ERMN: variants seen among roughly 807,000 people sequenced by gnomAD.
The protein encoded by ERMN is ermin.
A neutral mutation model predicts 21.4 loss-of-function variants in ERMN; 17 were observed. That is an observed-to-expected ratio of 0.80 (90% CI 0.54 to 1.19). The LOEUF (loss-of-function observed/expected upper bound fraction) is 1.19, where lower values mean the gene tolerates loss of function less well. Ranked by LOEUF, ERMN falls within the 50% of genes most tolerant of loss-of-function variation. The pLI, the probability that ERMN is intolerant of heterozygous loss-of-function variation, is 0.00. For synonymous variants in ERMN, 115 were observed against 111.9 expected, an observed-to-expected ratio of 1.03 and a Z score of -0.17; for missense variants, 348 against 331.6, an observed-to-expected ratio of 1.05 and a Z score of -0.38.
At chr2:157,321,907 G>A in intron 2 of ERMN, 116 bp from the exon 3 acceptor site, 5 of 900,692 alleles carry the variant, frequency 5.6e-6, no homozygotes, top group Admixed American at 3.0e-5. Flanking sequence ...CATGTTTTAT[G>A]GGATATGATT....
Position 157,321,103 on chromosome 2 carries a change from C to A in ERMN, c.*168G>T. On this transcript the variant is annotated 3_prime_UTR_variant, in exon 3 of 3. Transcript: ENST00000410096. ...AGCTTTTTGATTTGAGGTTATCAGA[C>A]TGAATTTTTATCTAGGGTTATTTCC... The A allele has an allele frequency of 9.6e-7, 1 of 1,046,400 alleles. No homozygotes were observed. The allele number at this position is 1,046,400 out of a possible 1,614,324, so 64.8% of individuals were successfully genotyped here.
chr2:157,323,779 ATTAAGT>A (rs1045992761), intron 2 of ERMN, among the ~76,000 whole-genome samples: 28 of 152,182 alleles, frequency 1.8e-4, no homozygotes, highest in African/African-American at 6.8e-4. Context: ...CTCTTAGTCT[ATTAAGT>A]TTATTTAAAA....
In ERMN at chr2:157,320,969, T is replaced by G. The variant is rs1683874503; in HGVS notation, c.*302A>C. On this transcript the variant is annotated 3_prime_UTR_variant, in exon 3 of 3. Transcript: ENST00000410096. Reference sequence around the variant, plus strand: ...ACTACCTTTCCAAGCATTGCTACATTTATAGCCGAATTATGCCAGATTCCC... The same window carrying G: ...ACTACCTTTCCAAGCATTGCTACATGTATAGCCGAATTATGCCAGATTCCC... 1 of 291,722 alleles carries G rather than the reference T, an allele frequency of 3.4e-6. No individual in the cohort carries two copies. The highest frequency in any genetic ancestry group is 6.4e-6 in the Non-Finnish European group (1 of 156,616). The allele number at this position is 291,722 out of a possible 1,614,324, so 18.1% of individuals were successfully genotyped here.
At chr2:157,327,488 T>A, upstream of ERMN, 1 of 780,378 alleles carries the variant, frequency 1.3e-6, no homozygotes, top group Non-Finnish European at 2.4e-6. Context: ...ATAACAGTCT[T>A]CTGAGGTAGG....
intron 1 of ERMN, among the ~76,000 whole-genome samples, chr2:157,324,980 GAT>G (rs147048951): frequency 6.6e-6 from 1 of 150,970 alleles, no homozygotes; most frequent in African/African-American, 2.4e-5. Flanking sequence ...ATTTATATAA[GAT>G]ATATATATAA....
chr2:157,320,105 C>G lies in ERMN; in HGVS notation c.*1166G>C, dbSNP rs191077694. Reference sequence around the variant, plus strand: ...ATGAAATGAAAAATTGTGGAACAAACTATCTAAGAATATAAATATAGTCTC... The same window carrying G: ...ATGAAATGAAAAATTGTGGAACAAAGTATCTAAGAATATAAATATAGTCTC... On this transcript the variant is annotated 3_prime_UTR_variant, in exon 3 of 3. Coordinates refer to ENST00000410096, the MANE Select transcript of ERMN (RefSeq NM_020711.3). 6.6e-6 allele frequency: 1 copy of G among 152,370 alleles called. No homozygotes were observed. The highest frequency in any genetic ancestry group is 6.6e-5 in the Admixed American group (1 of 15,264). The allele number at this position is 152,370 out of a possible 1,614,324, so 9.4% of individuals were successfully genotyped here. A position where few individuals can be genotyped will look rare whatever the true frequency, so the allele number is the denominator to read the frequency against.
chr2:157,326,008 T>C, upstream of ERMN: 1 of 978,656 alleles, frequency 1.0e-6, no homozygotes, highest in South Asian at 3.7e-5. Flanking sequence ...GACTTTCAGC[T>C]TGTCAGTCCC....
Position 157,324,768 on chromosome 2 carries a change from A to G in ERMN, c.242-6T>C, listed in dbSNP as rs1167073980. ...GAGTTTCTCTTCTGGGTTTTCTAGG[A>G]AAAAAATATAAAATCAGTATTTTAA... On this transcript the variant is annotated splice_region_variant and splice_polypyrimidine_tract_variant and intron_variant, in intron 1 of 2. Coordinates refer to ENST00000410096, the MANE Select transcript of ERMN (RefSeq NM_020711.3). 1.3e-6 allele frequency: 2 copies of G among 1,571,998 alleles called. No homozygotes were observed. Among genetic ancestry groups the G allele is most frequent in the South Asian group, 2.3e-5 (2 of 86,782 alleles).
intron 1 of ERMN, 26 bp downstream of exon 1, chr2:157,325,376 A>C: frequency 6.2e-7 from 1 of 1,610,534 alleles, no homozygotes; most frequent in Non-Finnish European, 8.5e-7. Context: ...AAAACAAGAA[A>C]ATTAAGGAGA....
In ERMN at chr2:157,319,883, T is replaced by A. The variant is rs903481491; in HGVS notation, c.*1388A>T. ...GTCATTAGAATATGTGGGATTTATG[T>A]TACACATAAATAAGCAGTCATCTAA... On this transcript the variant is annotated 3_prime_UTR_variant, in exon 3 of 3. Coordinates refer to ENST00000410096, the MANE Select transcript of ERMN (RefSeq NM_020711.3). The A allele has an allele frequency of 2.6e-5, 4 of 152,154 alleles. No individual in the cohort carries two copies. The highest frequency in any genetic ancestry group is 6.6e-5 in the Admixed American group (1 of 15,262). The allele number at this position is 152,154 out of a possible 1,614,324, so 9.4% of individuals were successfully genotyped here. A position where few individuals can be genotyped will look rare whatever the true frequency, so the allele number is the denominator to read the frequency against.
rs1683831548 is a variant in ERMN at position 157,319,815 on chromosome 2, A to G, written c.*1456T>C. On this transcript the variant is annotated 3_prime_UTR_variant, in exon 3 of 3. Coordinates refer to ENST00000410096, the MANE Select transcript of ERMN (RefSeq NM_020711.3). ...AAACAACTAAATAATAGTATGTGAT[A>G]CTATGGAAATATAATATATGACCCG... 6.6e-6 allele frequency: 1 copy of G among 152,174 alleles called. No homozygotes were observed. Among genetic ancestry groups the G allele is most frequent in the Admixed American group, 6.6e-5 (1 of 15,266 alleles). The allele number at this position is 152,174 out of a possible 1,614,324, so 9.4% of individuals were successfully genotyped here. A position where few individuals can be genotyped will look rare whatever the true frequency, so the allele number is the denominator to read the frequency against.
chr2:157,325,214 T>C (rs1423111548), intron 1 of ERMN, 188 bp downstream of exon 1: 3 of 798,492 alleles, frequency 3.8e-6, no homozygotes, highest in Non-Finnish European at 6.4e-6. Flanking sequence ...TTGTCTGGGG[T>C]CACAGCTGTC....
rs1400854566 is a variant in ERMN at position 157,321,724 on chromosome 2, A to G, written c.402T>C (p.Ile134=). The change falls in exon 3 of 3, where the codon ATT becomes ATC. Residue 134 remains isoleucine (I), a synonymous_variant. Transcript: ENST00000410096. The part of the protein sequence containing the change: ...NQEIRRQKER[I]TEQPLKEEED... ...CTTCCTCTTTGAGAGGCTGCTCAGT[A>G]ATCCTCTCCTTCTGTCTTCTTATTT... The G allele has an allele frequency of 6.2e-7, 1 of 1,613,644 alleles. No homozygotes were observed. The highest frequency in any genetic ancestry group is 2.2e-5 in the East Asian group (1 of 44,874).
rs1683787377 is a variant in ERMN, at chr2:157,318,806, G to A, written c.*2465C>T. 6.6e-6 allele frequency: 1 copy of A among 151,924 alleles called. No homozygotes were observed. Among genetic ancestry groups the A allele is most frequent in the African/African-American group, 2.4e-5 (1 of 41,374 alleles). The allele number at this position is 151,924 out of a possible 1,614,324, so 9.4% of individuals were successfully genotyped here. A position where few individuals can be genotyped will look rare whatever the true frequency, so the allele number is the denominator to read the frequency against. On this transcript the variant is annotated 3_prime_UTR_variant, in exon 3 of 3. Coordinates refer to ENST00000410096, the MANE Select transcript of ERMN (RefSeq NM_020711.3). ...TAGTTTCTATTTATCTAGCAACAGA[G>A]GAAAACAAAAAATCATGTAAGAAAT... is the stretch of plus-strand genomic sequence containing the variant.
At chr2:157,321,906 T>C (rs1683918379) in intron 2 of ERMN, 115 bp from the exon 3 acceptor site, 2 of 902,380 alleles carry the variant, frequency 2.2e-6, no homozygotes, top group South Asian at 3.7e-5. Flanking sequence ...ACATGTTTTA[T>C]GGGATATGAT....
In ERMN at chr2:157,320,012, T is replaced by C. The variant is rs1287694604; in HGVS notation, c.*1259A>G. On this transcript the variant is annotated 3_prime_UTR_variant, in exon 3 of 3. Coordinates refer to ENST00000410096, the MANE Select transcript of ERMN (RefSeq NM_020711.3). ...ATTCAGACAATAAGGAATTGTCTTT[T>C]TATTTGCAGGGCAAAACAAAATCTT... The C allele has an allele frequency of 1.3e-5, 2 of 152,188 alleles. No individual in the cohort carries two copies. Among genetic ancestry groups the C allele is most frequent in the African/African-American group, 4.8e-5 (2 of 41,464 alleles). 9.4% of individuals were successfully genotyped at this position (152,188 alleles called of 1,614,324 possible).
chr2:157,327,526 T>C (rs1248657344), upstream of ERMN: 5 of 775,254 alleles, frequency 6.4e-6, no homozygotes, highest in Non-Finnish European at 1.2e-5. Flanking sequence ...TTTTATAGAC[T>C]AGAAAAATGA....
upstream of ERMN, among the ~76,000 whole-genome samples, chr2:157,326,538 C>G (rs531876696): frequency 6.6e-6 from 1 of 152,210 alleles, no homozygotes; most frequent in South Asian, 2.1e-4. Context: ...CTATTCCATA[C>G]TGATATTACA....
At chr2:157,324,819 G>T in intron 1 of ERMN, 57 bp from the exon 2 acceptor site, 1 of 1,221,968 alleles carries the variant, frequency 8.2e-7, no homozygotes, top group Non-Finnish European at 1.1e-6. Flanking sequence ...TTGTTCAACA[G>T]TTAATAAGTT....
Sources: allele counts gnomAD v4.1 joint callset (sites outside exome capture counted in the v4.1 genomes callset), GRCh38; gene constraint gnomAD v4.1.1; transcripts MANE v1.5; gene names NCBI Gene and HGNC (gene_info 2026-07-23, HGNC 2026-07-21).